PKNOX2: variants seen among roughly 807,000 people sequenced by gnomAD.
PKNOX2 encodes the protein homeobox protein PKNOX2.
PKNOX2 carries 14 observed loss-of-function variants against 53.1 expected under a neutral mutation model. The observed-to-expected ratio is 0.26, with a 90% CI of 0.17 to 0.41. The LOEUF is 0.41. Among genes scored for constraint, PKNOX2 ranks in the 10% least tolerant of loss-of-function variants. The pLI is 1.00. For synonymous variants in PKNOX2, 257 were observed against 242.8 expected (o/e 1.06, Z -0.54); for missense variants, 496 against 602.8 (o/e 0.82, Z 1.85).
At chr11:125,389,219 A>AC (rs376805336) in intron 6 of PKNOX2, among the ~76,000 whole-genome samples, 5 of 150,942 alleles carry the variant, frequency 3.3e-5, no homozygotes, top group Admixed American at 2.0e-4. Context: ...AAACAAACAA[A>AC]AAACCCTAGG....
intron 2 of PKNOX2, among the ~76,000 whole-genome samples, chr11:125,281,062 C>A (rs1330791813): frequency 1.3e-5 from 2 of 152,186 alleles, no homozygotes; most frequent in African/African-American, 4.8e-5. Flanking sequence ...ACTCCAAAGA[C>A]AATCCAGAAT....
At chr11:125,340,944 G>A (rs777462859) in intron 3 of PKNOX2, among the ~76,000 whole-genome samples, 18 of 151,680 alleles carry the variant, frequency 1.2e-4, no homozygotes, top group Admixed American at 3.3e-4. Flanking sequence ...CAGATACTCC[G>A]GAGACTGAGG....
intron 1 of PKNOX2, chr11:125,184,438 G>A (rs1422492321): frequency 6.6e-6 from 1 of 152,230 alleles, no homozygotes; most frequent in East Asian, 1.9e-4. Flanking sequence ...TTTTCCATTA[G>A]AAACCCTGTC....
In PKNOX2 at chr11:125,307,488, G is replaced by A. The variant is rs147910794; in HGVS notation, c.-129-24331G>A. On this transcript the variant is annotated intron_variant, in intron 2 of 12. Coordinates refer to ENST00000298282, the MANE Select transcript of PKNOX2 (RefSeq NM_001382323.2). ...CAGGAGAATCGCTTGAACCTGGGAG[G>A]TAGAGGTTGCAGTGAGCCGAGATTG... 8.7e-3 allele frequency among the ~76,000 whole-genome samples: 1,319 copies of A among 152,246 alleles called. 3 individuals carry two copies. The highest frequency in any genetic ancestry group is 0.021 in the Middle Eastern group (6 of 292).
At chr11:125,175,395 C>G (rs1955643995) in intron 1 of PKNOX2, among the ~76,000 whole-genome samples, 1 of 152,170 alleles carries the variant, frequency 6.6e-6, no homozygotes, top group Non-Finnish European at 1.5e-5. Flanking sequence ...CGTGGTGGAA[C>G]TGGGCTCTGG....
intron 1 of PKNOX2, among the ~76,000 whole-genome samples, chr11:125,203,245 G>A (rs973904272): frequency 6.6e-6 from 1 of 152,194 alleles, no homozygotes; most frequent in African/African-American, 2.4e-5. Flanking sequence ...AGACTCGCGA[G>A]TAGCTCAGAC....
intron 5 of PKNOX2, among the ~76,000 whole-genome samples, chr11:125,376,333 G>A (rs150229830): frequency 1.8e-3 from 272 of 152,318 alleles, no homozygotes; most frequent in South Asian, 0.013. Flanking sequence ...TGGTTTCAAC[G>A]TCACACCTGA....
intron 2 of PKNOX2, among the ~76,000 whole-genome samples, chr11:125,310,108 T>A (rs1034617929): frequency 1.9e-4 from 29 of 152,198 alleles, no homozygotes; most frequent in Admixed American, 1.6e-3. Flanking sequence ...GAATTCTATG[T>A]GTGTGTTTTT....
intron 2 of PKNOX2, among the ~76,000 whole-genome samples, chr11:125,251,934 C>T (rs1469973726): frequency 6.6e-6 from 1 of 151,804 alleles, no homozygotes; most frequent in Non-Finnish European, 1.5e-5. Flanking sequence ...TATTGTCATT[C>T]ATTCAACACC....
At chr11:125,376,415 C>T (rs1252127182) in intron 5 of PKNOX2, among the ~76,000 whole-genome samples, 2 of 152,182 alleles carry the variant, frequency 1.3e-5, no homozygotes, top group Non-Finnish European at 2.9e-5. Flanking sequence ...CTGGTGCTTT[C>T]AAGGGGAGGA....
chr11:125,181,480 G>C (rs1956154238), intron 1 of PKNOX2, among the ~76,000 whole-genome samples: 1 of 52,148 alleles, frequency 1.9e-5, no homozygotes, highest in Non-Finnish European at 4.9e-5. Context: ...AGGTAGAAGG[G>C]AACAGTGGTT....
At chr11:125,423,436 TGGAGCTCCTG>T (rs1956267531) in intron 10 of PKNOX2, among the ~76,000 whole-genome samples, 2 of 148,242 alleles carry the variant, frequency 1.3e-5, no homozygotes, top group Admixed American at 1.3e-4. Context: ...TGCCTCTAGG[TGGAGCTCCTG>T]GGAGGTCCGA....
chr11:125,190,503 G>C (rs77928709), intron 1 of PKNOX2, among the ~76,000 whole-genome samples: 9,863 of 152,188 alleles, frequency 0.065, 708 homozygotes, highest in African/African-American at 0.18. Context: ...TCACCCTCTT[G>C]GTTCCTTATT....
chr11:125,386,293 A>T (rs1490077495), intron 6 of PKNOX2, among the ~76,000 whole-genome samples: 2 of 152,110 alleles, frequency 1.3e-5, no homozygotes, highest in East Asian at 3.9e-4. Flanking sequence ...AAAAATACAT[A>T]TTTCTAGGCC....
intron 1 of PKNOX2, among the ~76,000 whole-genome samples, chr11:125,193,352 G>A (rs1956992044): frequency 6.6e-6 from 1 of 152,122 alleles, no homozygotes; most frequent in Non-Finnish European, 1.5e-5. Flanking sequence ...CCCTTTCTCG[G>A]CTCTAATTTA....
intron 5 of PKNOX2, among the ~76,000 whole-genome samples, chr11:125,368,365 G>A (rs1367436869): frequency 2.0e-5 from 3 of 152,146 alleles, no homozygotes; most frequent in South Asian, 2.1e-4. Context: ...ACCTCTGACC[G>A]CACCCTCTAG....
At chr11:125,200,608 G>A (rs1382645323) in intron 1 of PKNOX2, among the ~76,000 whole-genome samples, 1 of 152,076 alleles carries the variant, frequency 6.6e-6, no homozygotes, top group African/African-American at 2.4e-5. Context: ...ACCTCCCCCT[G>A]GCCCTCCGTC....
chr11:125,225,545 C>T (rs1212011981), intron 1 of PKNOX2, among the ~76,000 whole-genome samples: 1 of 152,182 alleles, frequency 6.6e-6, no homozygotes, highest in African/African-American at 2.4e-5. Context: ...CACTGAGCTG[C>T]CCCAGACTCC....
At chr11:125,359,912 T>C (rs1328627038) in intron 4 of PKNOX2, among the ~76,000 whole-genome samples, 2 of 152,132 alleles carry the variant, frequency 1.3e-5, no homozygotes, top group South Asian at 2.1e-4. Context: ...TTAGTAGAGA[T>C]GGAGGTTCTC....
Sources: gnomAD v4.1 joint callset for allele counts (sites outside exome capture counted in the v4.1 genomes callset) on GRCh38, gnomAD v4.1.1 for gene constraint, MANE v1.5 for transcripts, NCBI Gene and HGNC (gene_info 2026-07-23, HGNC 2026-07-21) for gene names.